The following HCN1 variants were observed in gnomAD, a reference collection of about 807,000 sequenced individuals.
The protein encoded by HCN1 is potassium/sodium hyperpolarization-activated cyclic nucleotide-gated channel 1.
A neutral mutation model predicts 78.9 loss-of-function variants in HCN1; 13 were observed. That is an observed-to-expected ratio of 0.16 (90% CI 0.11 to 0.26). The LOEUF (loss-of-function observed/expected upper bound fraction) is 0.26. Among genes scored for constraint, HCN1 ranks in the 10% least tolerant of loss-of-function variants. The pLI is 1.00. For synonymous variants in HCN1, 552 were observed against 455.5 expected (o/e 1.21, Z -2.70); for missense variants, 810 against 1,154.3 (o/e 0.70, Z 4.32).
At chr5:45,281,965 T>G (rs1745178828) in intron 6 of HCN1, among the ~76,000 whole-genome samples, 1 of 152,164 alleles carries the variant, frequency 6.6e-6, no homozygotes, top group Admixed American at 6.6e-5. Flanking sequence ...AGATATTCTT[T>G]CATATTGAGC....
intron 2 of HCN1, among the ~76,000 whole-genome samples, chr5:45,482,660 T>C (rs1741678208): frequency 6.6e-6 from 1 of 152,114 alleles, no homozygotes; most frequent in Non-Finnish European, 1.5e-5. Flanking sequence ...TGCAGGTTTG[T>C]TACATTGGAA....
At chr5:45,680,743 T>C (rs1239250847) in intron 1 of HCN1, among the ~76,000 whole-genome samples, 1 of 152,118 alleles carries the variant, frequency 6.6e-6, no homozygotes, top group Non-Finnish European at 1.5e-5. Flanking sequence ...TTTTTCCCCT[T>C]CCTTTTTATT....
intron 2 of HCN1, among the ~76,000 whole-genome samples, chr5:45,510,346 T>C (rs561606390): frequency 6.6e-6 from 1 of 152,230 alleles, no homozygotes; most frequent in South Asian, 2.1e-4. Context: ...GACACAAGAA[T>C]TGAATTGAGT....
intron 2 of HCN1, among the ~76,000 whole-genome samples, chr5:45,492,593 C>G (rs1335086123): frequency 6.7e-6 from 1 of 148,820 alleles, no homozygotes; most frequent in Non-Finnish European, 1.5e-5. Context: ...CCTCCACCTC[C>G]CCGGTTCAAG....
At chr5:45,443,252 A>C (rs775376206) in intron 3 of HCN1, among the ~76,000 whole-genome samples, 4 of 152,108 alleles carry the variant, frequency 2.6e-5, no homozygotes, top group Non-Finnish European at 5.9e-5. Context: ...TCCATAGCCA[A>C]GAATTATTTT....
chr5:45,506,069 G>T (rs561612988), intron 2 of HCN1, among the ~76,000 whole-genome samples: 1 of 151,938 alleles, frequency 6.6e-6, no homozygotes, highest in Non-Finnish European at 1.5e-5. Flanking sequence ...AAATAAAATC[G>T]GCATTTCTTC....
chr5:45,664,457 T>A (rs1428226452), intron 1 of HCN1, among the ~76,000 whole-genome samples: 13 of 124,830 alleles, frequency 1.0e-4, no homozygotes, highest in South Asian at 2.5e-4. Context: ...TAAAGTATAA[T>A]AATAATAAAA....
At chr5:45,534,017 AT>A (rs1742914127) in intron 2 of HCN1, among the ~76,000 whole-genome samples, 1 of 152,106 alleles carries the variant, frequency 6.6e-6, no homozygotes, top group Non-Finnish European at 1.5e-5. Context: ...AGTTTTTGAG[AT>A]TTATAAGAAA....
chr5:45,590,126 G>C (rs912139133), intron 2 of HCN1, among the ~76,000 whole-genome samples: 1 of 152,126 alleles, frequency 6.6e-6, no homozygotes, highest in Non-Finnish European at 1.5e-5. Context: ...GGTAGTGTCT[G>C]TAGTTTCAGT....
intron 5 of HCN1, among the ~76,000 whole-genome samples, chr5:45,306,191 T>C (rs1243207260): frequency 6.6e-6 from 1 of 152,056 alleles, no homozygotes; most frequent in African/African-American, 2.4e-5. Flanking sequence ...ATAAGTCAGA[T>C]TGTAGAGAAA....
intron 1 of HCN1, among the ~76,000 whole-genome samples, chr5:45,685,579 G>A (rs960872054): frequency 1.3e-5 from 2 of 152,150 alleles, no homozygotes; most frequent in Non-Finnish European, 2.9e-5. Context: ...GGGCGTGGTG[G>A]CACATGCCTG....
At chr5:45,614,506 T>C (rs150286520) in intron 2 of HCN1, among the ~76,000 whole-genome samples, 5 of 152,244 alleles carry the variant, frequency 3.3e-5, no homozygotes, top group African/African-American at 4.8e-5. Flanking sequence ...AAACTTGAAA[T>C]AGGTCACTTC....
At chr5:45,359,960 T>TA (rs1491183139) in intron 4 of HCN1, among the ~76,000 whole-genome samples, 8 of 149,750 alleles carry the variant, frequency 5.3e-5, no homozygotes, top group East Asian at 1.9e-4. Context: ...TATATATATA[T>TA]TTTTTTTACC....
chr5:45,313,721 C>T (rs6890010), intron 5 of HCN1, among the ~76,000 whole-genome samples: 2,449 of 152,266 alleles, frequency 0.016, 70 homozygotes, highest in African/African-American at 0.056. Context: ...GGGACGAATG[C>T]ACAAGCTTCA....
intron 6 of HCN1, among the ~76,000 whole-genome samples, chr5:45,283,880 TG>T (rs1289831851): frequency 2.0e-5 from 3 of 152,088 alleles, no homozygotes; most frequent in Non-Finnish European, 4.4e-5. Context: ...AGCAAAAATG[TG>T]GAGTCAACTT....
In HCN1 at chr5:45,530,148, T is replaced by C. The variant is rs374194172; in HGVS notation, c.850-68141A>G. 4.6e-5 allele frequency among the ~76,000 whole-genome samples: 7 copies of C among 152,282 alleles called. No homozygotes were observed. The East Asian group carries it at 1.2e-3, about 25-fold the overall frequency. ...TTTTGACTCCAGTGATTACGGAATC[T>C]GTAACCAGGTAAGGCTTTTGCTTCT... On this transcript the variant is annotated intron_variant, in intron 2 of 7. Coordinates refer to ENST00000303230, the MANE Select transcript of HCN1 (RefSeq NM_021072.4).
chr5:45,557,333 C>A (rs1373620062), intron 2 of HCN1, among the ~76,000 whole-genome samples: 2 of 152,110 alleles, frequency 1.3e-5, no homozygotes, highest in Non-Finnish European at 2.9e-5. Context: ...TGGGAAACAA[C>A]TGCAGCTTTT....
intron 5 of HCN1, among the ~76,000 whole-genome samples, chr5:45,335,550 C>T (rs376735246): frequency 6.6e-6 from 1 of 151,952 alleles, no homozygotes. Flanking sequence ...GTTTGGTGTC[C>T]CTCCTGAGTA....
intron 2 of HCN1, among the ~76,000 whole-genome samples, chr5:45,572,830 A>C (rs1250540786): frequency 6.6e-6 from 1 of 152,190 alleles, no homozygotes; most frequent in Non-Finnish European, 1.5e-5. Context: ...AGTGTTGTGA[A>C]TAGGGAAAAA....
Sources: gnomAD v4.1 joint callset for allele counts (sites outside exome capture counted in the v4.1 genomes callset) on GRCh38, gnomAD v4.1.1 for gene constraint, MANE v1.5 for transcripts, NCBI Gene and HGNC (gene_info 2026-07-23, HGNC 2026-07-21) for gene names.